CD2AP: variants seen among roughly 807,000 people sequenced by gnomAD.
The protein encoded by CD2AP is CD2 associated protein, also known as CD2-associated protein.
Under a neutral mutation model 85.1 loss-of-function variants are expected in CD2AP, and 46 were observed. The observed-to-expected ratio is 0.54, with a 90% confidence interval of 0.43 to 0.69. CD2AP has a LOEUF of 0.69. Ranked by LOEUF, CD2AP falls within the 30% of genes least tolerant of loss-of-function variation. The pLI is 0.00. For missense variants in CD2AP, 769 were observed against 729.5 expected, an observed-to-expected ratio of 1.05 and a Z score of -0.62; for synonymous variants, 255 against 252.9, an observed-to-expected ratio of 1.01 and a Z score of -0.08.
rs779122248 is a variant in CD2AP at position 47,581,996 on chromosome 6, C to G, written c.1046-7C>G. On this transcript the variant is annotated splice_region_variant and splice_polypyrimidine_tract_variant and intron_variant, in intron 10 of 17. Coordinates refer to ENST00000359314, the MANE Select transcript of CD2AP (RefSeq NM_012120.3). ...TCTTAAAAAAGTATTAATGTTTTTT[C>G]CCATAGCTCCAAAGCCTGAACTGAT... 27 of 1,588,546 alleles carry G rather than the reference C, an allele frequency of 1.7e-5. No individual in the cohort carries two copies. In the Admixed American group the frequency reaches 2.3e-4, roughly 14 times the overall value.
At chr6:47,563,154 TGTTCTGATTTTCA>T (rs894119700) in intron 5 of CD2AP, 39 of 182,134 alleles carry the variant, frequency 2.1e-4, no homozygotes, top group African/African-American at 6.3e-4. Flanking sequence ...TCTTAACCCT[TGTTCTGATTTTCA>T]GTTCTGATTT....
At chr6:47,478,587 C>T (rs1207591848) in intron 1 of CD2AP, among the ~76,000 whole-genome samples, 2 of 152,188 alleles carry the variant, frequency 1.3e-5, no homozygotes, top group Non-Finnish European at 2.9e-5. Flanking sequence ...TTCCCTTCCT[C>T]ATCCCCTTGC....
At chr6:47,510,917 A>G (rs1766295282) in intron 2 of CD2AP, among the ~76,000 whole-genome samples, 1 of 151,938 alleles carries the variant, frequency 6.6e-6, no homozygotes, top group Non-Finnish European at 1.5e-5. Context: ...TACTAAAAAT[A>G]CAAAAATTAG....
Position 47,478,190 on chromosome 6 carries a change from CTGG to C in CD2AP, c.-54_-52del, listed in dbSNP as rs1231956845. The C allele has an allele frequency of 4.7e-4, 624 of 1,319,844 alleles. No individual in the cohort carries two copies. The highest frequency in any genetic ancestry group is 5.3e-4 in the Non-Finnish European group (516 of 964,884). The allele number at this position is 1,319,844 out of a possible 1,614,324, so 81.8% of individuals were successfully genotyped here. The stretch of plus-strand genomic sequence containing the variant: ...GCGGGAGCGGCCGCGCGAGCCACCA[CTGG>C]AGGAGGAGGAGGAGGAGCGGACGTC... On this transcript the variant is annotated 5_prime_UTR_variant, in exon 1 of 18. Coordinates refer to ENST00000359314, the MANE Select transcript of CD2AP (RefSeq NM_012120.3).
intron 1 of CD2AP, among the ~76,000 whole-genome samples, chr6:47,492,347 CTTTTTTTTT>C (rs70999626): frequency 2.1e-5 from 2 of 95,522 alleles, no homozygotes; most frequent in African/African-American, 8.2e-5. Flanking sequence ...CACCTGTAAT[CTTTTTTTTT>C]TTTTTTTTTT....
chr6:47,548,671 TAGAG>T (rs1157994502), intron 4 of CD2AP, among the ~76,000 whole-genome samples: 7 of 152,074 alleles, frequency 4.6e-5, no homozygotes, highest in East Asian at 1.9e-4. Flanking sequence ...TTTCACAAGA[TAGAG>T]AGAGGGAACC....
chr6:47,559,780 T>C (rs1431931828), intron 5 of CD2AP, among the ~76,000 whole-genome samples: 8 of 152,170 alleles, frequency 5.3e-5, no homozygotes, highest in African/African-American at 1.7e-4. Flanking sequence ...TGCAGCTTTT[T>C]CCCACCTAAT....
Position 47,577,264 on chromosome 6 carries a change from G to A in CD2AP, c.903+161G>A, listed in dbSNP as rs145186807. Among the ~76,000 whole-genome samples, 1,392 of 152,246 alleles carry A rather than the reference G, an allele frequency of 9.1e-3. 9 individuals are homozygous for A. Among genetic ancestry groups the A allele is most frequent in the Non-Finnish European group, 0.015 (989 of 68,000 alleles). On this transcript the variant is annotated intron_variant, in intron 8 of 17. Transcript: ENST00000359314. ...GTCCTGAAAACTTGGCACGTAATAA[G>A]TGCTCAGAACGTTCTCTTTTTGAGC...
chr6:47,586,499 GA>G (rs1177052953), intron 11 of CD2AP, among the ~76,000 whole-genome samples: 1 of 152,064 alleles, frequency 6.6e-6, no homozygotes, highest in East Asian at 1.9e-4. Context: ...AATAATGGCT[GA>G]AAATTTTAAT....
intron 5 of CD2AP, among the ~76,000 whole-genome samples, chr6:47,558,331 T>G (rs1414734017): frequency 1.3e-5 from 2 of 152,320 alleles, no homozygotes; most frequent in East Asian, 3.9e-4. Flanking sequence ...TCTTGCCTGA[T>G]TGCCCTGGCC....
At chr6:47,620,597 AT>A in intron 17 of CD2AP, among the ~76,000 whole-genome samples, 1 of 152,028 alleles carries the variant, frequency 6.6e-6, no homozygotes, top group Non-Finnish European at 1.5e-5. Flanking sequence ...TGATGGTGGT[AT>A]TTTGATGGGA....
At chr6:47,619,840 A>G (rs1040155870) in intron 17 of CD2AP, among the ~76,000 whole-genome samples, 6 of 152,180 alleles carry the variant, frequency 3.9e-5, no homozygotes, top group African/African-American at 1.4e-4. Context: ...GCATTTCTTC[A>G]TATGTCTGTT....
At chr6:47,591,051 A>G (rs1213679604) in intron 11 of CD2AP, among the ~76,000 whole-genome samples, 2 of 152,224 alleles carry the variant, frequency 1.3e-5, no homozygotes, top group Non-Finnish European at 2.9e-5. Context: ...GCCATTGGAA[A>G]CAGCACAAAT....
intron 12 of CD2AP, among the ~76,000 whole-genome samples, chr6:47,596,970 A>G (rs951661327): frequency 6.6e-6 from 1 of 152,080 alleles, no homozygotes; most frequent in Non-Finnish European, 1.5e-5. Context: ...AATGTTGTAA[A>G]TAACATCCAA....
chr6:47,626,223 C>T lies in CD2AP; in HGVS notation c.*1996C>T, dbSNP rs1363571269. 1.3e-5 allele frequency: 2 copies of T among 151,792 alleles called. No homozygotes were observed. Among genetic ancestry groups the T allele is most frequent in the Non-Finnish European group, 2.9e-5 (2 of 67,810 alleles). The allele number at this position is 151,792 out of a possible 1,614,324, so 9.4% of individuals were successfully genotyped here. On this transcript the variant is annotated 3_prime_UTR_variant, in exon 18 of 18. Transcript: ENST00000359314. ...CATGGAAATGTATTTAAAGTTTTTG[C>T]TTGTGTCCTCCTCAGTCAGAATAGA...
chr6:47,596,077 C>T, intron 12 of CD2AP, 51 bp downstream of exon 12: 1 of 1,283,396 alleles, frequency 7.8e-7, no homozygotes, highest in Non-Finnish European at 1.1e-6. Flanking sequence ...CACCTTTGAC[C>T]TTAATGGCTC....
intron 2 of CD2AP, among the ~76,000 whole-genome samples, chr6:47,513,891 T>TG (rs1766383360): frequency 1.4e-5 from 2 of 142,760 alleles, no homozygotes; most frequent in Non-Finnish European, 3.1e-5. Flanking sequence ...AAATTTTTTT[T>TG]TGGGGGGGGG....
intron 1 of CD2AP, among the ~76,000 whole-genome samples, chr6:47,497,130 T>G (rs1160663514): frequency 6.7e-6 from 1 of 148,300 alleles, no homozygotes; most frequent in Non-Finnish European, 1.5e-5. Flanking sequence ...ACTTTCACAT[T>G]ATTATGACCA....
chr6:47,622,095 C>A (rs114656925), intron 17 of CD2AP, among the ~76,000 whole-genome samples: 2,372 of 152,258 alleles, frequency 0.016, 42 homozygotes, highest in African/African-American at 0.038. Flanking sequence ...GCTGCCTATG[C>A]TGAATCATGC....
Sources: allele counts gnomAD v4.1 joint callset (sites outside exome capture counted in the v4.1 genomes callset), GRCh38; gene constraint gnomAD v4.1.1; transcripts MANE v1.5; gene names NCBI Gene and HGNC (gene_info 2026-07-23, HGNC 2026-07-21).